The following ADH1C variants were observed in gnomAD, a reference collection of about 807,000 sequenced individuals.
ADH1C encodes alcohol dehydrogenase 1C (class I), gamma polypeptide.
In ADH1C, 26 loss-of-function variants were observed where a neutral mutation model predicts 35.0. That is an observed-to-expected ratio of 0.74 (90% CI 0.54 to 1.03). The LOEUF (loss-of-function observed/expected upper bound fraction) is 1.03. Ranked by LOEUF, ADH1C falls within the 50% of genes least tolerant of loss-of-function variation. ADH1C has a pLI of 0.00. For missense variants in ADH1C, 413 were observed against 465.4 expected, an observed-to-expected ratio of 0.89 and a Z score of 1.04; for synonymous variants, 170 against 169.3, an observed-to-expected ratio of 1.00 and a Z score of -0.03.
intron 2 of ADH1C, 24 bp downstream of exon 2, chr4:99,347,721 A>G: frequency 6.3e-7 from 1 of 1,579,878 alleles, no homozygotes; most frequent in Non-Finnish European, 8.6e-7. Flanking sequence ...TTAAAATTAA[A>G]TACAAATGGA....
chr4:99,341,757 G>C (rs1021303023), intron 6 of ADH1C, among the ~76,000 whole-genome samples: 2 of 152,118 alleles, frequency 1.3e-5, no homozygotes, highest in Non-Finnish European at 2.9e-5. Flanking sequence ...ATATGTTTCC[G>C]TTGCCTTTGA....
At position 99,339,567 on chromosome 4, in the gene ADH1C, T is replaced by G; in HGVS notation, c.1103+10A>C. 1 of 1,470,840 alleles carries G rather than the reference T, an allele frequency of 6.8e-7. No homozygotes were observed. The allele number at this position is 1,470,840 out of a possible 1,614,324, so 91.1% of individuals were successfully genotyped here. A position where few individuals can be genotyped will look rare whatever the true frequency, so the allele number is the denominator to read the frequency against. ...TACAAAGCAAAACAAAAAAACAACTTAAAATCTACCTCTTTCCAGAGCGAA... is the reference window on the plus strand; with the variant it reads ...TACAAAGCAAAACAAAAAAACAACTGAAAATCTACCTCTTTCCAGAGCGAA... On this transcript the variant is annotated intron_variant, in intron 8 of 8. Coordinates refer to ENST00000515683, the MANE Select transcript of ADH1C (RefSeq NM_000669.5).
Position 99,352,683 on chromosome 4 carries a change from C to T in ADH1C, c.-8G>A, listed in dbSNP as rs540351993. 6.2e-7 allele frequency: 1 copy of T among 1,612,938 alleles called. No individual in the cohort carries two copies. On this transcript the variant is annotated 5_prime_UTR_variant, in exon 1 of 9. Transcript: ENST00000515683. ...TTTTCCTGCTGTGCTCATATTGATT[C>T]TGTCTTCTCTGCAGACCAGGAGGCT...
chr4:99,340,317 G>C (rs1734381886), intron 7 of ADH1C, among the ~76,000 whole-genome samples: 3 of 152,154 alleles, frequency 2.0e-5, no homozygotes, highest in African/African-American at 4.8e-5. Flanking sequence ...TGGAGGTTGA[G>C]ATAGGAGAAT....
intron 8 of ADH1C, among the ~76,000 whole-genome samples, chr4:99,338,395 C>CTATATA (rs35124782): frequency 0.011 from 420 of 38,720 alleles, 17 homozygotes; most frequent in Non-Finnish European, 0.015. Flanking sequence ...ATACTGTTTT[C>CTATATA]TATATATATA....
chr4:99,347,121 A>G lies in ADH1C; in HGVS notation c.144T>C (p.Arg48=), dbSNP rs760363342. 1 of 1,613,980 alleles carries G rather than the reference A, an allele frequency of 6.2e-7. No homozygotes were observed. Among genetic ancestry groups the G allele is most frequent in the Non-Finnish European group, 8.5e-7 (1 of 1,179,952 alleles). The change falls in exon 3 of 9, where the codon CGT becomes CGC. Residue 48 remains arginine, a synonymous_variant. Transcript: ENST00000515683. ...TGCCACTAACCACATGCTCATCTGA[A>G]CGACAGATTCCTGCAGCCACCATCT... is the stretch of plus-strand genomic sequence containing the variant. ...RIKMVAAGIC[R]SDEHVVSGNL... is the part of the protein sequence containing the mutation.
At chr4:99,346,945 C>A (rs1249936165) in intron 3 of ADH1C, 61 bp downstream of exon 3, 2 of 1,579,900 alleles carry the variant, frequency 1.3e-6, no homozygotes, top group Non-Finnish European at 1.7e-6. Flanking sequence ...GTTTCCTCAT[C>A]CAGGCTGACT....
intron 5 of ADH1C, among the ~76,000 whole-genome samples, chr4:99,344,604 T>G (rs1190398625): frequency 6.6e-6 from 1 of 152,180 alleles, no homozygotes; most frequent in Admixed American, 6.5e-5. Flanking sequence ...GATCTAAAAT[T>G]TCATGATCCC....
At chr4:99,339,229 GT>G (rs1455415561) in intron 8 of ADH1C, among the ~76,000 whole-genome samples, 1 of 152,156 alleles carries the variant, frequency 6.6e-6, no homozygotes, top group Non-Finnish European at 1.5e-5. Context: ...AGAGGTGTCA[GT>G]GATTCCATGT....
At chr4:99,340,900 G>T (rs893300898) in intron 6 of ADH1C, among the ~76,000 whole-genome samples, 190 bp from the exon 7 acceptor site, 1 of 152,160 alleles carries the variant, frequency 6.6e-6, no homozygotes, top group African/African-American at 2.4e-5. Context: ...CCCAGAAAAT[G>T]GTTTTTGAAT....
At chr4:99,348,494 T>C (rs1323540990) in intron 1 of ADH1C, among the ~76,000 whole-genome samples, 3 of 150,894 alleles carry the variant, frequency 2.0e-5, no homozygotes. Context: ...CCATGGTGTA[T>C]ATGTGCCACA....
intron 8 of ADH1C, among the ~76,000 whole-genome samples, chr4:99,337,770 T>C (rs1734311615): frequency 6.6e-6 from 1 of 152,156 alleles, no homozygotes; most frequent in Non-Finnish European, 1.5e-5. Flanking sequence ...CACTTTCTAT[T>C]GTCCTTTTTG....
intron 6 of ADH1C, among the ~76,000 whole-genome samples, chr4:99,341,160 C>T (rs1036839233): frequency 1.3e-5 from 2 of 152,180 alleles, no homozygotes; most frequent in African/African-American, 4.8e-5. Context: ...CTCTTGTCCA[C>T]TTGATAGCCT....
intron 1 of ADH1C, 137 bp from the exon 2 acceptor site, chr4:99,347,983 C>T: frequency 2.2e-6 from 2 of 928,398 alleles, no homozygotes; most frequent in African/African-American, 1.7e-5. Flanking sequence ...ATGAAGTCCT[C>T]TGGTTTATAA....
At chr4:99,343,835 T>C (rs911002399) in intron 5 of ADH1C, among the ~76,000 whole-genome samples, 2 of 152,220 alleles carry the variant, frequency 1.3e-5, no homozygotes, top group African/African-American at 4.8e-5. Context: ...TTGTGTAAAT[T>C]GGCTAGCGGT....
Position 99,342,900 on chromosome 4 carries a change from G to A in ADH1C, c.723C>T (p.Cys241=). 1 of 1,614,072 alleles carries A rather than the reference G, an allele frequency of 6.2e-7. No individual in the cohort carries two copies. The highest frequency in any genetic ancestry group is 8.5e-7 in the Non-Finnish European group (1 of 1,180,008). The part of the protein sequence containing the change: ...AKAKELGATE[C]INPQDYKKPI... The stretch of plus-strand genomic sequence containing the variant: ...GTTTCTTGTAGTCTTGAGGGTTGAT[G>A]CATTCAGTGGCACCCAACTCTTTAG... Residue 241 remains cysteine (C), a synonymous_variant, in exon 6 of 9, where the codon TGC becomes TGT. Coordinates refer to ENST00000515683, the MANE Select transcript of ADH1C (RefSeq NM_000669.5).
chr4:99,344,803 C>T, intron 5 of ADH1C, 59 bp downstream of exon 5: 6 of 1,593,614 alleles, frequency 3.8e-6, no homozygotes, highest in Non-Finnish European at 5.1e-6. Flanking sequence ...GAAATTGCTT[C>T]CCTTTTGGTT....
intron 6 of ADH1C, among the ~76,000 whole-genome samples, chr4:99,342,217 G>C (rs1247979831): frequency 6.6e-6 from 1 of 152,058 alleles, no homozygotes; most frequent in Non-Finnish European, 1.5e-5. Flanking sequence ...AAAGCATTCA[G>C]TCCAAGTAAT....
At chr4:99,344,551 GCTCT>G (rs1371788044) in intron 5 of ADH1C, among the ~76,000 whole-genome samples, 3 of 152,140 alleles carry the variant, frequency 2.0e-5, no homozygotes, top group Non-Finnish European at 4.4e-5. Flanking sequence ...ATGTATAGGT[GCTCT>G]CTAATTGTTG....
Sources: gnomAD v4.1 joint callset for allele counts (sites outside exome capture counted in the v4.1 genomes callset) on GRCh38, gnomAD v4.1.1 for gene constraint, MANE v1.5 for transcripts, NCBI Gene and HGNC (gene_info 2026-07-23, HGNC 2026-07-21) for gene names.